The following THYN1 variants were observed in gnomAD, a reference collection of about 807,000 sequenced individuals.
THYN1 encodes the protein thymocyte protein thy28.
A neutral mutation model predicts 30.6 loss-of-function variants in THYN1; 32 were observed. The observed-to-expected ratio is 1.05, with a 90% CI of 0.79 to 1.40. The LOEUF (loss-of-function observed/expected upper bound fraction) is 1.40, where lower values mean the gene tolerates loss of function less well. THYN1 is among the 40% of genes most tolerant of loss of function. The pLI is 0.00. For missense variants in THYN1, 259 were observed against 272.6 expected (o/e 0.95, Z 0.35); for synonymous variants, 107 against 90.8 (o/e 1.18, Z -1.01).
In THYN1 at chr11:134,250,315, G is replaced by A; in HGVS notation, c.251C>T (p.Pro84Leu). 2 of 1,614,040 alleles carry A rather than the reference G, an allele frequency of 1.2e-6. No individual in the cohort carries two copies. The highest frequency in any genetic ancestry group is 8.5e-7 in the Non-Finnish European group (1 of 1,179,998). Residue 84 changes from proline (P) to leucine (L), a missense_variant, in exon 3 of 7, where the codon CCC becomes CTC. Physicochemically the swap from Pro to Leu is moderately conservative, Grantham distance 98 (BLOSUM62 -3). Transcript: ENST00000341541. ...KFSIEDLKAQ[P>L]KQTTCWDGVR... ...ACCATCCCAGCATGTTGTCTGTTTGGGCTGTGCTTTGAGATCCTCAATGCT... is the reference window on the plus strand; with the variant it reads ...ACCATCCCAGCATGTTGTCTGTTTGAGCTGTGCTTTGAGATCCTCAATGCT...
In THYN1 at chr11:134,249,882, T is replaced by G. The variant is rs1938967783; in HGVS notation, c.330A>C (p.Glu110Asp). 3.7e-6 allele frequency: 6 copies of G among 1,614,006 alleles called. No homozygotes were observed. The highest frequency in any genetic ancestry group is 1.1e-5 in the South Asian group (1 of 91,082). The stretch of plus-strand genomic sequence containing the variant: ...TGCAGTTGCTATGGTAGAAGAAGGC[T>G]TCTTCTCCCAGCTTCATGGCTCTAA... ...NFLRAMKLGE[E>D]AFFYHSNCKE... The change falls in exon 4 of 7, where the codon GAA becomes GAC. Residue 110 changes from glutamate to aspartate, a missense_variant. By Grantham distance (45) the Glu-to-Asp change is conservative (BLOSUM62 2). Transcript: ENST00000341541.
Position 134,251,324 on chromosome 11 carries a change from C to G in THYN1, c.44-16G>C, listed in dbSNP as rs377680114. The G allele has an allele frequency of 2.7e-4, 436 of 1,589,118 alleles. 1 individual carries two copies. Among genetic ancestry groups the G allele is most frequent in the Middle Eastern group, 6.8e-4 (4 of 5,918 alleles). ...AGTCCCTTGTCTGCAATAGGAGAAG[C>G]AAAAAGAAAAGATCATGCTTGTTAA... On this transcript the variant is annotated splice_polypyrimidine_tract_variant and intron_variant, in intron 1 of 6. Transcript: ENST00000341541.
chr11:134,248,569 TTACATGGTAC>T, intron 6 of THYN1, 85 bp from the exon 7 acceptor site: 1 of 1,533,198 alleles, frequency 6.5e-7, no homozygotes, highest in Non-Finnish European at 9.0e-7. Flanking sequence ...CAGGTACATC[TTACATGGTAC>T]TAAGGCGAGC....
intron 1 of THYN1, 188 bp from the exon 2 acceptor site, chr11:134,251,496 G>C: frequency 1.6e-6 from 1 of 642,762 alleles, no homozygotes; most frequent in South Asian, 2.0e-5. Flanking sequence ...CTACCTTACA[G>C]GGTATCTTCT....
chr11:134,251,368 GA>G lies in THYN1; in HGVS notation c.44-61del, dbSNP rs1303945153. ...TTGTTAAAGGCAATGTTTCATAATGGAAAAAGCTTAGCTTTGGAGTCAGACC... is the reference window on the plus strand; with the variant it reads ...TTGTTAAAGGCAATGTTTCATAATGGAAAAGCTTAGCTTTGGAGTCAGACC... On this transcript the variant is annotated intron_variant, in intron 1 of 6. Transcript: ENST00000341541. 23 of 1,542,526 alleles carry G rather than the reference GA, an allele frequency of 1.5e-5. No homozygotes were observed. In the East Asian group the frequency reaches 5.0e-4, roughly 34 times the overall value.
chr11:134,249,112 C>G (rs747362180), intron 5 of THYN1, 55 bp downstream of exon 5: 2 of 1,578,922 alleles, frequency 1.3e-6, no homozygotes, highest in Non-Finnish European at 1.7e-6. Flanking sequence ...CCCCAACCGT[C>G]TTCTTCCCCT....
intron 2 of THYN1, 89 bp downstream of exon 2, chr11:134,251,041 A>G: frequency 7.5e-7 from 1 of 1,330,062 alleles, no homozygotes. Flanking sequence ...CAAAGATAAG[A>G]AGCTGGGGAT....
rs937401400 is a variant in THYN1 at position 134,248,411 on chromosome 11, T to C, written c.*27A>G. On this transcript the variant is annotated 3_prime_UTR_variant, in exon 7 of 7. Coordinates refer to ENST00000341541, the MANE Select transcript of THYN1 (RefSeq NM_014174.3). ...AGCTTGACTTCTTTGCAGCAATGTC[T>C]CGCCCATTCCAGCAGCAGTATCTCA... The C allele has an allele frequency of 3.1e-6, 5 of 1,613,880 alleles. No homozygotes were observed. In the South Asian group the frequency reaches 3.3e-5, roughly 11 times the overall value.
Position 134,252,887 on chromosome 11 carries a change from A to C in THYN1, c.-5T>G. ...CCTCTTCCGGGGTCTCGACATGGTCACGCTGCAGGGGACTTTAGTGCGGAC... is the reference window on the plus strand; with the variant it reads ...CCTCTTCCGGGGTCTCGACATGGTCCCGCTGCAGGGGACTTTAGTGCGGAC... On this transcript the variant is annotated 5_prime_UTR_variant, in exon 1 of 7. Coordinates refer to ENST00000341541, the MANE Select transcript of THYN1 (RefSeq NM_014174.3). The C allele has an allele frequency of 6.3e-7, 1 of 1,599,814 alleles. No individual in the cohort carries two copies. Among genetic ancestry groups the C allele is most frequent in the Non-Finnish European group, 8.5e-7 (1 of 1,175,812 alleles).
chr11:134,250,209 G>A (rs1015509741), intron 3 of THYN1, 66 bp downstream of exon 3: 17 of 1,569,342 alleles, frequency 1.1e-5, no homozygotes, highest in Admixed American at 1.7e-5. Context: ...TACTGAGTAC[G>A]TCATGAGGAG....
rs769868047 is a variant in THYN1, at chr11:134,248,285, A to C, written c.*153T>G. The stretch of plus-strand genomic sequence containing the variant: ...TGTGGTTTTAGAAGAAAAGTTCTTC[A>C]ACTTTGATATTTTATTGAAAAAAGT... On this transcript the variant is annotated 3_prime_UTR_variant, in exon 7 of 7. Transcript: ENST00000341541. 1 of 943,306 alleles carries C rather than the reference A, an allele frequency of 1.1e-6. No homozygotes were observed. The highest frequency in any genetic ancestry group is 1.3e-5 in the South Asian group (1 of 77,066). 58.4% of individuals were successfully genotyped at this position (943,306 alleles called of 1,614,324 possible). A position where few individuals can be genotyped will look rare whatever the true frequency, so the allele number is the denominator to read the frequency against.
In THYN1 at chr11:134,248,901, G is replaced by C; in HGVS notation, c.539C>G (p.Ser180Cys). 6.8e-6 allele frequency: 11 copies of C among 1,614,166 alleles called. No individual in the cohort carries two copies. Among genetic ancestry groups the C allele is most frequent in the Non-Finnish European group, 9.3e-6 (11 of 1,180,008 alleles). The change falls in exon 6 of 7, where the codon TCC becomes TGC. Residue 180 changes from serine (S) to cysteine (C), a missense_variant. Coordinates refer to ENST00000341541, the MANE Select transcript of THYN1 (RefSeq NM_014174.3). ...AGTAGCTTTGTGAGCTTGATGATAG[G>C]ATTTGAGCTCAGCCAGGGGAATGAA... The part of the protein sequence containing the change: ...KRFIPLAELK[S>C]YHQAHKATGG...
In THYN1 at chr11:134,251,201, TCAAA is replaced by T. The variant is rs753280648; in HGVS notation, c.147_150del (p.Cys49Ter). On this transcript the variant is annotated frameshift_variant, in exon 2 of 7. Transcript: ENST00000341541. LOFTEE classifies it high-confidence loss of function. ...ATCAGCCAGTGGCTGCTTAGATTCT[TCAAA>T]CAGTTTTTAGTGGCTGAAGTCTTCT... The T allele has an allele frequency of 9.4e-5, 151 of 1,614,138 alleles. 1 individual carries two copies. The Admixed American group carries it at 2.3e-3, about 24-fold the overall frequency.
chr11:134,250,516 T>C lies in THYN1; in HGVS notation c.223-173A>G, dbSNP rs1331905272. Among the ~76,000 whole-genome samples the C allele has an allele frequency of 4.6e-5, 7 of 152,212 alleles. No homozygotes were observed. In the East Asian group the frequency reaches 1.2e-3, roughly 25 times the overall value. On this transcript the variant is annotated intron_variant, in intron 2 of 6. Transcript: ENST00000341541. ...GACACTTTTGCTGGGTGAATGTAAGTAAGCCTTGTGTTACCTTGTTATCCT... is the reference window on the plus strand; with the variant it reads ...GACACTTTTGCTGGGTGAATGTAAGCAAGCCTTGTGTTACCTTGTTATCCT...
intron 4 of THYN1, among the ~76,000 whole-genome samples, chr11:134,249,565 G>A (rs1020638230): frequency 2.6e-5 from 4 of 152,160 alleles, no homozygotes; most frequent in African/African-American, 9.7e-5. Flanking sequence ...TAAGCTTGGA[G>A]GAGCTATCAT....
chr11:134,251,136 A>G lies in THYN1; in HGVS notation c.216T>C (p.Asp72=). 6 of 1,612,782 alleles carry G rather than the reference A, an allele frequency of 3.7e-6. No homozygotes were observed. In the South Asian group the frequency reaches 6.6e-5, roughly 18 times the overall value. The change falls in exon 2 of 7, where the codon GAT becomes GAC. Residue 72 remains aspartate (D), a synonymous_variant. Coordinates refer to ENST00000341541, the MANE Select transcript of THYN1 (RefSeq NM_014174.3). ...EPESRLEKGV[D]VKFSIEDLKA... is the part of the protein sequence containing the mutation. ...GACAGGTCAAGGGTCTCACCTTCAC[A>G]TCTACACCTTTCTCTAGGCGGCTCT...
chr11:134,249,730 T>G, intron 4 of THYN1, 98 bp downstream of exon 4: 1 of 1,175,104 alleles, frequency 8.5e-7, no homozygotes, highest in African/African-American at 1.5e-5. Flanking sequence ...GGGGGGAGTG[T>G]ACTTTTTTGT....
Position 134,251,249 on chromosome 11 carries a change from C to T in THYN1, c.103G>A (p.Val35Met). The T allele has an allele frequency of 6.2e-7, 1 of 1,614,190 alleles. No homozygotes were observed. The highest frequency in any genetic ancestry group is 8.5e-7 in the Non-Finnish European group (1 of 1,180,004). ...TENSGEALAK[V>M]EDSNPQKTSA... is the part of the protein sequence containing the mutation. ...GTCTTCTGAGGGTTGGAGTCCTCCA[C>T]TTTAGCTAATGCCTCACCTGAGTTC... The change falls in exon 2 of 7, where the codon GTG becomes ATG. Residue 35 changes from valine (V) to methionine (M), a missense_variant. Val to Met is a conservative substitution (Grantham distance 21). Transcript: ENST00000341541.
intron 2 of THYN1, 150 bp downstream of exon 2, chr11:134,250,980 A>G: frequency 1.1e-6 from 1 of 913,500 alleles, no homozygotes; most frequent in Non-Finnish European, 1.6e-6. Flanking sequence ...AAACCAGCTG[A>G]TGATAATAAA....
Sources: gnomAD v4.1 joint callset for allele counts (sites outside exome capture counted in the v4.1 genomes callset) on GRCh38, gnomAD v4.1.1 for gene constraint, MANE v1.5 for transcripts, NCBI Gene and HGNC (gene_info 2026-07-23, HGNC 2026-07-21) for gene names.